FANCC: variants seen among roughly 807,000 people sequenced by gnomAD.
FANCC encodes the protein Fanconi anemia group C protein.
A neutral mutation model predicts 71.3 loss-of-function variants in FANCC; 55 were observed. The ratio of observed to expected loss-of-function variants is 0.77; its 90% CI spans 0.62 to 0.97. FANCC has a LOEUF of 0.97. Among genes scored for constraint, FANCC ranks in the 50% least tolerant of loss-of-function variants. FANCC has a pLI of 0.00. For synonymous variants in FANCC, 275 were observed against 244.9 expected (o/e 1.12, Z -1.15); for missense variants, 678 against 670.9 (o/e 1.01, Z -0.12).
At chr9:95,231,716 A>G (rs922195523) in intron 4 of FANCC, among the ~76,000 whole-genome samples, 3 of 152,196 alleles carry the variant, frequency 2.0e-5, no homozygotes, top group African/African-American at 4.8e-5. Context: ...TGATTAACCT[A>G]AAGAGGAATT....
chr9:95,260,683 ATAT>A (rs1564806244), intron 1 of FANCC, among the ~76,000 whole-genome samples: 10 of 127,280 alleles, frequency 7.9e-5, no homozygotes, highest in East Asian at 2.6e-4. Flanking sequence ...AGAACTTAAA[ATAT>A]AAAAAAAAAA....
chr9:95,259,623 T>C (rs577931263), intron 1 of FANCC, among the ~76,000 whole-genome samples: 23 of 152,314 alleles, frequency 1.5e-4, no homozygotes, highest in South Asian at 6.2e-4. Flanking sequence ...ATTTAGGACA[T>C]AGGCATGGAC....
intron 4 of FANCC, among the ~76,000 whole-genome samples, chr9:95,202,562 G>C (rs554052898): frequency 6.6e-6 from 1 of 152,218 alleles, no homozygotes; most frequent in African/African-American, 2.4e-5. Context: ...TGCTCAGGGC[G>C]AAAGAACCAG....
chr9:95,220,864 T>C (rs570058372), intron 4 of FANCC, among the ~76,000 whole-genome samples: 1 of 151,486 alleles, frequency 6.6e-6, no homozygotes, highest in East Asian at 1.9e-4. Context: ...ACTTAAGGCA[T>C]AATAAAAAAT....
intron 4 of FANCC, among the ~76,000 whole-genome samples, chr9:95,185,642 A>G (rs1826662977): frequency 6.6e-6 from 1 of 152,246 alleles, no homozygotes; most frequent in Non-Finnish European, 1.5e-5. Flanking sequence ...ATTCCATCTA[A>G]CAGATCTGCA....
At chr9:95,153,322 G>T (rs533834466) in intron 6 of FANCC, among the ~76,000 whole-genome samples, 163 of 149,356 alleles carry the variant, frequency 1.1e-3, no homozygotes, top group African/African-American at 3.8e-3. Context: ...TATGCAAGTG[G>T]TTTTTTTTTT....
chr9:95,218,711 T>A (rs755679757), intron 4 of FANCC, among the ~76,000 whole-genome samples: 1 of 152,190 alleles, frequency 6.6e-6, no homozygotes, highest in Admixed American at 6.5e-5. Context: ...AGAAAAACTA[T>A]ATGATCATCT....
chr9:95,150,078 G>A lies in FANCC; in HGVS notation c.531C>T (p.Pro177=), dbSNP rs150070473. ...CTCGTGACAGGGACGCCACTCGCTCGGGAGCCATTCTATGGAAGAAATAAG... is the reference window on the plus strand; with the variant it reads ...CTCGTGACAGGGACGCCACTCGCTCAGGAGCCATTCTATGGAAGAAATAAG... The part of the protein sequence containing the change: ...NGFNTQRRMA[P]ERVASLSRVC... Residue 177 remains proline (P), a synonymous_variant, in exon 7 of 15, where the codon CCC becomes CCT. Coordinates refer to ENST00000289081, the MANE Select transcript of FANCC (RefSeq NM_000136.3). 47 of 1,613,910 alleles carry A rather than the reference G, an allele frequency of 2.9e-5. No individual in the cohort carries two copies. The highest frequency in any genetic ancestry group is 1.3e-4 in the East Asian group (6 of 44,878).
At chr9:95,274,182 A>G (rs576713690) in intron 1 of FANCC, among the ~76,000 whole-genome samples, 2 of 151,406 alleles carry the variant, frequency 1.3e-5, no homozygotes, top group Non-Finnish European at 2.9e-5. Context: ...CAAATCCCTC[A>G]CCCCCTGACA....
intron 4 of FANCC, among the ~76,000 whole-genome samples, chr9:95,213,036 AT>A (rs1279983574): frequency 6.6e-6 from 1 of 152,234 alleles, no homozygotes; most frequent in Non-Finnish European, 1.5e-5. Context: ...TACACACTGA[AT>A]TTCAAAGATT....
chr9:95,157,745 C>T (rs1408297772), intron 6 of FANCC, among the ~76,000 whole-genome samples: 4 of 152,196 alleles, frequency 2.6e-5, no homozygotes, highest in South Asian at 2.1e-4. Flanking sequence ...ATGAAGGCTG[C>T]GTGCACCTTG....
intron 1 of FANCC, among the ~76,000 whole-genome samples, chr9:95,263,130 C>A (rs550608060): frequency 6.6e-6 from 1 of 152,290 alleles, no homozygotes; most frequent in South Asian, 2.1e-4. Flanking sequence ...ACCAACAACA[C>A]ACAAATGACA....
chr9:95,198,631 G>A (rs1033005302), intron 4 of FANCC, among the ~76,000 whole-genome samples: 2 of 152,204 alleles, frequency 1.3e-5, no homozygotes, highest in African/African-American at 2.4e-5. Context: ...CACATTCTCA[G>A]AGAGCCCATG....
At chr9:95,149,633 C>G (rs1273645650) in intron 7 of FANCC, among the ~76,000 whole-genome samples, 2 of 152,044 alleles carry the variant, frequency 1.3e-5, no homozygotes, top group Admixed American at 6.6e-5. Context: ...CACACACCAC[C>G]ATGCTTGACT....
At chr9:95,240,135 G>A (rs1588336459) in intron 4 of FANCC, among the ~76,000 whole-genome samples, 1 of 152,168 alleles carries the variant, frequency 6.6e-6, no homozygotes, top group Admixed American at 6.5e-5. Flanking sequence ...ACTGGAAAGT[G>A]TGAGTGAGCA....
chr9:95,279,083 G>A (rs1027583883), intron 1 of FANCC, among the ~76,000 whole-genome samples: 3 of 152,042 alleles, frequency 2.0e-5, no homozygotes, highest in African/African-American at 7.2e-5. Context: ...GGGAGGTGAA[G>A]GCAGGCAGAT....
chr9:95,120,227 A>G (rs960549827), intron 10 of FANCC, among the ~76,000 whole-genome samples: 1 of 152,188 alleles, frequency 6.6e-6, no homozygotes, highest in African/African-American at 2.4e-5. Context: ...ATTTTTCTAC[A>G]TATGGACATC....
intron 12 of FANCC, 74 bp downstream of exon 12, chr9:95,114,555 C>T: frequency 7.5e-7 from 1 of 1,325,580 alleles, no homozygotes; most frequent in Non-Finnish European, 1.1e-6. Context: ...TCTGTCAGCC[C>T]TGCTCAAAGG....
intron 1 of FANCC, among the ~76,000 whole-genome samples, chr9:95,271,959 T>C (rs1282710022): frequency 1.6e-5 from 2 of 128,938 alleles, no homozygotes; most frequent in Non-Finnish European, 3.3e-5. Flanking sequence ...TTTTTTGAGA[T>C]GGAGTCTCGC....
Sources: gnomAD v4.1 joint callset for allele counts (sites outside exome capture counted in the v4.1 genomes callset) on GRCh38, gnomAD v4.1.1 for gene constraint, MANE v1.5 for transcripts, NCBI Gene and HGNC (gene_info 2026-07-23, HGNC 2026-07-21) for gene names.